The following USP48 variants were observed in gnomAD, a reference collection of about 807,000 sequenced individuals.
USP48 encodes the protein ubiquitin carboxyl-terminal hydrolase 48.
USP48 carries 43 observed loss-of-function variants against 150.7 expected under a neutral mutation model. The observed-to-expected ratio is 0.29, with a 90% CI of 0.22 to 0.37. The LOEUF (loss-of-function observed/expected upper bound fraction) is 0.37, where lower values mean the gene tolerates loss of function less well. USP48 is among the 10% of genes least tolerant of loss of function. The pLI is 1.00. For synonymous variants in USP48, 396 were observed against 425.9 expected, an observed-to-expected ratio of 0.93 and a Z score of 0.86; for missense variants, 813 against 1,249.6, an observed-to-expected ratio of 0.65 and a Z score of 5.27.
chr1:21,698,333 A>C (rs962340282), intron 22 of USP48, among the ~76,000 whole-genome samples: 1 of 152,204 alleles, frequency 6.6e-6, no homozygotes, highest in African/African-American at 2.4e-5. Context: ...GAAAATTATA[A>C]AGTATAAAAA....
chr1:21,777,366 C>CA (rs141902650), intron 1 of USP48, among the ~76,000 whole-genome samples: 12,588 of 148,470 alleles, frequency 0.085, 703 homozygotes, highest in East Asian at 0.27. Flanking sequence ...CCAAAAGCGT[C>CA]AAAAAAAAAA....
intron 11 of USP48, chr1:21,727,874 A>C (rs1428898697): frequency 1.0e-6 from 1 of 975,302 alleles, no homozygotes; most frequent in Admixed American, 6.2e-5. Context: ...TTTATTTTCT[A>C]AAGTAAGGAC....
intron 6 of USP48, among the ~76,000 whole-genome samples, chr1:21,750,110 C>T (rs74466292): frequency 0.02 from 3,092 of 152,268 alleles, 41 homozygotes; most frequent in Middle Eastern, 0.048. Flanking sequence ...CTCAACCTCA[C>T]ACAGAGTAAA....
chr1:21,768,635 G>A (rs1557607736), intron 1 of USP48: 3 of 152,040 alleles, frequency 2.0e-5, no homozygotes, highest in Admixed American at 6.6e-5. Context: ...GCAAATCTAA[G>A]GAGGGTCTTG....
chr1:21,757,926 G>A, intron 1 of USP48, 143 bp from the exon 2 acceptor site: 12 of 1,088,886 alleles, frequency 1.1e-5, no homozygotes, highest in Non-Finnish European at 1.5e-5. Flanking sequence ...TTGTGAGGGT[G>A]TGGAGAAGAA....
At chr1:21,706,306 C>A in intron 17 of USP48, 119 bp from the exon 18 acceptor site, 1 of 1,483,682 alleles carries the variant, frequency 6.7e-7, no homozygotes, top group South Asian at 1.3e-5. Context: ...AAAACACAGT[C>A]CTCTACCAAA....
chr1:21,685,612 G>A (rs1037506762), intron 25 of USP48, among the ~76,000 whole-genome samples: 1 of 152,196 alleles, frequency 6.6e-6, no homozygotes, highest in African/African-American at 2.4e-5. Context: ...ACTGCGCCCA[G>A]CCGCTTTCTT....
chr1:21,719,566 C>A (rs972633557), intron 14 of USP48, among the ~76,000 whole-genome samples: 1 of 152,160 alleles, frequency 6.6e-6, no homozygotes, highest in African/African-American at 2.4e-5. Flanking sequence ...GCCTGGGCAA[C>A]ATAGTGAGGC....
chr1:21,705,431 T>G (rs1228291099), intron 19 of USP48, among the ~76,000 whole-genome samples: 1 of 152,160 alleles, frequency 6.6e-6, no homozygotes, highest in Non-Finnish European at 1.5e-5. Context: ...TCTGTGATTC[T>G]GGAAAAGAGG....
intron 1 of USP48, among the ~76,000 whole-genome samples, chr1:21,762,211 G>C (rs1572013322): frequency 6.6e-6 from 1 of 152,190 alleles, no homozygotes; most frequent in South Asian, 2.1e-4. Flanking sequence ...GGTTTGCAGT[G>C]AGCTGTGATC....
intron 1 of USP48, among the ~76,000 whole-genome samples, chr1:21,762,691 C>A (rs2097852765): frequency 6.6e-6 from 1 of 151,886 alleles, no homozygotes; most frequent in African/African-American, 2.4e-5. Flanking sequence ...CATGGTGAAA[C>A]CCCATCTCTA....
At chr1:21,691,451 T>A (rs1197734171) in intron 23 of USP48, among the ~76,000 whole-genome samples, 3 of 152,042 alleles carry the variant, frequency 2.0e-5, no homozygotes, top group Middle Eastern at 3.2e-3. Context: ...CTGGCCATCA[T>A]GGCAAAACCC....
chr1:21,680,893 AT>A (rs2097563943), intron 25 of USP48, 59 bp from the exon 26 acceptor site: 1 of 1,359,666 alleles, frequency 7.4e-7, no homozygotes, highest in South Asian at 1.3e-5. Context: ...ACAGACAGTA[AT>A]ATCATTTCAA....
chr1:21,752,030 A>G (rs988753806), intron 5 of USP48, among the ~76,000 whole-genome samples: 2 of 151,858 alleles, frequency 1.3e-5, no homozygotes, highest in Non-Finnish European at 2.9e-5. Context: ...AAAAAAAAAA[A>G]AAAGAAAAGA....
At chr1:21,777,232 T>C (rs540380244) in intron 1 of USP48, among the ~76,000 whole-genome samples, 3 of 151,156 alleles carry the variant, frequency 2.0e-5, no homozygotes, top group Admixed American at 2.0e-4. Flanking sequence ...AGAGGTTGCA[T>C]TGAGCCAAGA....
intron 1 of USP48, among the ~76,000 whole-genome samples, chr1:21,765,130 T>C (rs1414314563): frequency 1.3e-5 from 2 of 152,212 alleles, no homozygotes; most frequent in East Asian, 3.8e-4. Flanking sequence ...ACTTGAGTAA[T>C]AACAGCACAA....
At chr1:21,715,273 TA>T (rs2097701204) in intron 15 of USP48, 115 bp downstream of exon 15, 27 of 663,400 alleles carry the variant, frequency 4.1e-5, no homozygotes, top group East Asian at 6.1e-5. Flanking sequence ...GAAATTCTAT[TA>T]AAAAAAATTT....
rs76405450 is a variant in USP48 at position 21,741,144 on chromosome 1, G to A, written c.992-4519C>T. Among the ~76,000 whole-genome samples, 19 of 152,280 alleles carry A rather than the reference G, an allele frequency of 1.2e-4. No individual in the cohort carries two copies. In the East Asian group the frequency reaches 3.3e-3, roughly 26 times the overall value. ...AAATCAATTAAAAATCAAACCAAGT[G>A]TTACAGCTCTTTTAGAATTTGTCTA... On this transcript the variant is annotated intron_variant, in intron 8 of 26. Coordinates refer to ENST00000308271, the MANE Select transcript of USP48 (RefSeq NM_032236.8).
chr1:21,751,499 T>G lies in USP48; in HGVS notation c.774+8A>C, dbSNP rs199908708. The stretch of plus-strand genomic sequence containing the variant: ...GCAGGAACAATACATACACCAAAAT[T>G]TGAATACCTTCAAAAATTCCGAGAT... On this transcript the variant is annotated splice_region_variant and intron_variant, in intron 6 of 26. Transcript: ENST00000308271. 1 of 1,608,326 alleles carries G rather than the reference T, an allele frequency of 6.2e-7. No homozygotes were observed. The highest frequency in any genetic ancestry group is 1.1e-5 in the South Asian group (1 of 90,940).
Sources: allele counts gnomAD v4.1 joint callset (sites outside exome capture counted in the v4.1 genomes callset), GRCh38; gene constraint gnomAD v4.1.1; transcripts MANE v1.5; gene names NCBI Gene and HGNC (gene_info 2026-07-23, HGNC 2026-07-21).